IL1RAPL1: variants seen among roughly 807,000 people sequenced by gnomAD.
The protein encoded by IL1RAPL1 is interleukin-1 receptor accessory protein-like 1.
A neutral mutation model predicts 48.4 loss-of-function variants in IL1RAPL1; 3 were observed. The observed-to-expected ratio is 0.06, with a 90% CI of 0.03 to 0.16. IL1RAPL1 has a LOEUF of 0.16. Among genes scored for constraint, IL1RAPL1 ranks in the 10% least tolerant of loss-of-function variants. The pLI, the probability that IL1RAPL1 is intolerant of heterozygous loss-of-function variation, is 1.00. For synonymous variants in IL1RAPL1, 185 were observed against 187.7 expected, an observed-to-expected ratio of 0.99 and a Z score of 0.12; for missense variants, 349 against 530.6, an observed-to-expected ratio of 0.66 and a Z score of 3.36.
intron 1 of IL1RAPL1, among the ~76,000 whole-genome samples, chrX:28,610,185 C>T (rs1351307210): frequency 1.8e-5 from 2 of 111,907 alleles, no homozygotes; most frequent in Non-Finnish European, 3.8e-5. Flanking sequence ...CAGTACTTGG[C>T]TTGATTACAG....
Position 28,704,831 on chromosome X carries a change from C to CAAAAAAAAAAA in IL1RAPL1, c.-24-84481_-24-84471dup, listed in dbSNP as rs1179973377. ...ACACACACACACACACACACACACA[C>CAAAAAAAAAAA]AAAAAAAAAAAAAAAAAACTGTGAC... On this transcript the variant is annotated intron_variant, in intron 1 of 10. Coordinates refer to ENST00000378993, the MANE Select transcript of IL1RAPL1 (RefSeq NM_014271.4). 4.4e-4 allele frequency among the ~76,000 whole-genome samples: 13 copies of CAAAAAAAAAAA among 29,643 alleles called. 1 individual carries two copies. The highest frequency in any genetic ancestry group is 1.7e-3 in the African/African-American group (11 of 6,361). The allele number at this position is 29,643 out of a possible 115,157, so 25.7% of individuals were successfully genotyped here. A position where few individuals can be genotyped will look rare whatever the true frequency, so the allele number is the denominator to read the frequency against.
At chrX:28,876,520 G>A (rs756291671) in intron 2 of IL1RAPL1, among the ~76,000 whole-genome samples, 4 of 111,120 alleles carry the variant, frequency 3.6e-5, no homozygotes, top group Admixed American at 9.6e-5. Flanking sequence ...ATCCCATCTC[G>A]GCAAACAAAG....
At chrX:29,065,650 G>A (rs368318062) in intron 2 of IL1RAPL1, among the ~76,000 whole-genome samples, 14 of 111,303 alleles carry the variant, frequency 1.3e-4, no homozygotes, top group South Asian at 3.7e-4. Context: ...TGCTCATTAC[G>A]TGCATGTTGT....
chrX:29,787,200 C>T (rs1029872155), intron 6 of IL1RAPL1, among the ~76,000 whole-genome samples: 4 of 111,122 alleles, frequency 3.6e-5, no homozygotes, highest in African/African-American at 1.3e-4. Context: ...ATTGACCAAA[C>T]CCAACCAGAA....
intron 2 of IL1RAPL1, among the ~76,000 whole-genome samples, chrX:28,798,443 T>G (rs1569175286): frequency 8.9e-6 from 1 of 111,830 alleles, no homozygotes; most frequent in Non-Finnish European, 1.9e-5. Context: ...CCCTTCTACC[T>G]CTCTCTTTCC....
intron 6 of IL1RAPL1, among the ~76,000 whole-genome samples, chrX:29,884,296 A>C (rs755909782): frequency 9.9e-5 from 11 of 111,386 alleles, no homozygotes; most frequent in Non-Finnish European, 2.1e-4. Flanking sequence ...TGTGATTTCC[A>C]GTGACCACCA....
chrX:29,640,214 G>A (rs1264121166), intron 5 of IL1RAPL1, among the ~76,000 whole-genome samples: 1 of 112,280 alleles, frequency 8.9e-6, no homozygotes, highest in African/African-American at 3.2e-5. Flanking sequence ...TTACCCAGGG[G>A]CACCACAGCT....
In IL1RAPL1 at chrX:29,703,805, C is replaced by T. The variant is rs5972720; in HGVS notation, c.778+35301C>T. Among the ~76,000 whole-genome samples, 505 of 112,070 alleles carry T rather than the reference C, an allele frequency of 4.5e-3. 4 individuals are homozygous for T. Among genetic ancestry groups the T allele is most frequent in the African/African-American group, 0.015 (479 of 30,931 alleles). ...TATTTTAAGTGTTGAACCTAGAACT[C>T]TAAATCTTGAGGGTCATAAATATCA... On this transcript the variant is annotated intron_variant, in intron 6 of 10. Transcript: ENST00000378993.
chrX:28,760,180 G>T (rs1158394374), intron 1 of IL1RAPL1, among the ~76,000 whole-genome samples: 1 of 111,524 alleles, frequency 9.0e-6, no homozygotes, highest in Non-Finnish European at 1.9e-5. Flanking sequence ...TTATTATTTA[G>T]TGAAAAGGTA....
chrX:28,600,575 A>T (rs1279032312), intron 1 of IL1RAPL1, among the ~76,000 whole-genome samples: 1 of 110,615 alleles, frequency 9.0e-6, no homozygotes, highest in Non-Finnish European at 1.9e-5. Flanking sequence ...AATTCCAAGG[A>T]TAATAAGACA....
intron 2 of IL1RAPL1, among the ~76,000 whole-genome samples, chrX:28,884,440 C>A (rs1466576272): frequency 4.5e-5 from 5 of 110,795 alleles, no homozygotes; most frequent in South Asian, 7.6e-4. Context: ...GAAATTATAC[C>A]AAAATAGCCT....
intron 5 of IL1RAPL1, among the ~76,000 whole-genome samples, chrX:29,505,377 T>C (rs1375442971): frequency 1.8e-5 from 2 of 110,720 alleles, no homozygotes; most frequent in Non-Finnish European, 3.8e-5. Flanking sequence ...TTTTTGCATG[T>C]TAGTTTTTTT....
At chrX:29,745,798 C>T (rs1248839108) in intron 6 of IL1RAPL1, among the ~76,000 whole-genome samples, 1 of 110,523 alleles carries the variant, frequency 9.0e-6, no homozygotes, top group African/African-American at 3.3e-5. Flanking sequence ...TACTACAGTC[C>T]TATATGTAAA....
At chrX:29,919,293 C>CT (rs200107521) in intron 7 of IL1RAPL1, among the ~76,000 whole-genome samples, 1,302 of 112,170 alleles carry the variant, frequency 0.012, 13 homozygotes, top group Middle Eastern at 0.05. Flanking sequence ...CTTTTACCCC[C>CT]TCTGGCTTTG....
chrX:29,253,829 G>A (rs1408853820), intron 2 of IL1RAPL1, among the ~76,000 whole-genome samples: 3 of 111,236 alleles, frequency 2.7e-5, no homozygotes, highest in Non-Finnish European at 5.7e-5. Flanking sequence ...GGAACTAAAG[G>A]TGAAACTATA....
At chrX:29,923,239 C>A in intron 8 of IL1RAPL1, among the ~76,000 whole-genome samples, 3 of 112,096 alleles carry the variant, frequency 2.7e-5, no homozygotes, top group Non-Finnish European at 5.6e-5. Flanking sequence ...AATCATAATT[C>A]CATGAAAGCC....
intron 6 of IL1RAPL1, among the ~76,000 whole-genome samples, chrX:29,747,233 A>G (rs1307258432): frequency 8.9e-6 from 1 of 112,111 alleles, no homozygotes; most frequent in Non-Finnish European, 1.9e-5. Flanking sequence ...TTGGATGGCT[A>G]TGTGCTCTTT....
chrX:29,217,733 CT>C (rs1222270343), intron 2 of IL1RAPL1, among the ~76,000 whole-genome samples: 1 of 103,899 alleles, frequency 9.6e-6, no homozygotes. Context: ...CACAAATCAT[CT>C]ATATTAAAAT....
At chrX:29,749,674 G>C (rs945650231) in intron 6 of IL1RAPL1, among the ~76,000 whole-genome samples, 1 of 106,694 alleles carries the variant, frequency 9.4e-6, no homozygotes, top group Admixed American at 9.9e-5. Flanking sequence ...ACTTTATGCA[G>C]CTCTCAGATA....
Sources: allele counts gnomAD v4.1 joint callset (sites outside exome capture counted in the v4.1 genomes callset), GRCh38; gene constraint gnomAD v4.1.1; transcripts MANE v1.5; gene names NCBI Gene and HGNC (gene_info 2026-07-23, HGNC 2026-07-21).